Variants in EFCAB3 observed in about 807,000 individuals in gnomAD.
EFCAB3 encodes the protein EF-hand calcium binding domain 3, also known as EF-hand calcium-binding domain-containing protein 3.
Under a neutral mutation model 42.2 loss-of-function variants are expected in EFCAB3, and 36 were observed. The observed-to-expected ratio is 0.85, with a 90% CI of 0.65 to 1.13. The LOEUF is 1.13. Ranked by LOEUF, EFCAB3 falls within the 50% of genes most tolerant of loss-of-function variation. EFCAB3 has a pLI of 0.00. For synonymous variants in EFCAB3, 170 were observed against 172.8 expected (o/e 0.98, Z 0.13); for missense variants, 418 against 505.1 (o/e 0.83, Z 1.65).
At chr17:62,388,457 A>G (rs2070274595) in intron 3 of EFCAB3, among the ~76,000 whole-genome samples, 1 of 152,242 alleles carries the variant, frequency 6.6e-6, no homozygotes, top group African/African-American at 2.4e-5. Context: ...AAGGGAAAGC[A>G]TGATGCACTA....
In EFCAB3 at chr17:62,414,194, A is replaced by G. The variant is rs140592690; in HGVS notation, c.990+340A>G. 1.5e-4 allele frequency among the ~76,000 whole-genome samples: 23 copies of G among 152,346 alleles called. No individual in the cohort carries two copies. The East Asian group carries it at 4.4e-3, about 29-fold the overall frequency. Reference sequence around the variant, plus strand: ...TAGTGTACTCAGAGATTCATGGTGAAAGAATCTTACGTCCTGAGGCCTCTA... The same window carrying G: ...TAGTGTACTCAGAGATTCATGGTGAGAGAATCTTACGTCCTGAGGCCTCTA... On this transcript the variant is annotated intron_variant, in intron 9 of 9. Coordinates refer to ENST00000305286, the MANE Select transcript of EFCAB3 (RefSeq NM_173503.4).
chr17:62,407,472 T>C (rs1407479260), intron 8 of EFCAB3, among the ~76,000 whole-genome samples: 1 of 152,160 alleles, frequency 6.6e-6, no homozygotes, highest in Admixed American at 6.6e-5. Context: ...TCTCCAATCC[T>C]ATCTCTGACT....
chr17:62,381,481 C>T (rs1345080334), intron 1 of EFCAB3, among the ~76,000 whole-genome samples: 3 of 152,230 alleles, frequency 2.0e-5, no homozygotes, highest in South Asian at 4.1e-4. Context: ...CCCTGTTTCT[C>T]AAACTATGCC....
At chr17:62,370,344 T>G (rs962503271) in intron 1 of EFCAB3, 6 of 1,551,090 alleles carry the variant, frequency 3.9e-6, no homozygotes, top group Non-Finnish European at 5.2e-6. Context: ...GTTTTATAAT[T>G]ATGTTACCTT....
At chr17:62,385,320 A>G (rs1048908662) in intron 2 of EFCAB3, among the ~76,000 whole-genome samples, 2 of 152,122 alleles carry the variant, frequency 1.3e-5, no homozygotes, top group Admixed American at 6.6e-5. Context: ...GCATGCACCT[A>G]TAGTTCCAAT....
At chr17:62,413,055 C>T (rs2070513415) in intron 8 of EFCAB3, among the ~76,000 whole-genome samples, 2 of 152,054 alleles carry the variant, frequency 1.3e-5, no homozygotes, top group African/African-American at 4.8e-5. Context: ...AAACCTTAAA[C>T]ATACTGAAAT....
At chr17:62,412,157 C>T in intron 8 of EFCAB3, among the ~76,000 whole-genome samples, 1 of 151,730 alleles carries the variant, frequency 6.6e-6, no homozygotes, top group Non-Finnish European at 1.5e-5. Flanking sequence ...AGGCGGATCA[C>T]CTGAGGTCAG....
At chr17:62,393,958 CTTTT>C (rs34962512) in intron 5 of EFCAB3, among the ~76,000 whole-genome samples, 2 of 141,846 alleles carry the variant, frequency 1.4e-5, no homozygotes, top group Non-Finnish European at 1.6e-5. Flanking sequence ...ATTATTTTGT[CTTTT>C]TTTTTTTTTT....
In EFCAB3 at chr17:62,382,998, A is replaced by T; in HGVS notation, c.19A>T (p.Lys7Ter). 1 of 1,613,766 alleles carries T rather than the reference A, an allele frequency of 6.2e-7. No homozygotes were observed. Among genetic ancestry groups the T allele is most frequent in the Non-Finnish European group, 8.5e-7 (1 of 1,179,930 alleles). ...TGGCCACATGGCAGTTTCAGAAATT[A>T]AACCAAAACTTAAGCTGAATCCTCT... MAVSEIKPKLKLNPLTK... is the reference protein window; with the variant it reads MAVSEI The change falls in exon 2 of 10, where the codon AAA (lysine) becomes TAA (stop). Residue 7 changes from lysine to a stop codon, truncating the protein, a stop_gained. Coordinates refer to ENST00000305286, the MANE Select transcript of EFCAB3 (RefSeq NM_173503.4). LOFTEE classifies it high-confidence loss of function.
intron 8 of EFCAB3, among the ~76,000 whole-genome samples, chr17:62,409,788 T>C (rs1472060907): frequency 6.6e-6 from 1 of 151,908 alleles, no homozygotes; most frequent in Non-Finnish European, 1.5e-5. Flanking sequence ...GTATATGTAC[T>C]ATATTTACAA....
intron 9 of EFCAB3, among the ~76,000 whole-genome samples, chr17:62,415,128 A>ACC (rs796518014): frequency 4.6e-5 from 7 of 151,384 alleles, no homozygotes; most frequent in African/African-American, 1.5e-4. Context: ...ACAAAAAAAA[A>ACC]CAAAAAAACC....
At chr17:62,404,510 T>C (rs1017586872) in intron 6 of EFCAB3, among the ~76,000 whole-genome samples, 4 of 151,710 alleles carry the variant, frequency 2.6e-5, no homozygotes, top group Admixed American at 6.6e-5. Flanking sequence ...TAACAATAAA[T>C]AACAGGCTGG....
chr17:62,371,357 C>T (rs181519297), intron 1 of EFCAB3, among the ~76,000 whole-genome samples: 45 of 152,046 alleles, frequency 3.0e-4, no homozygotes, highest in African/African-American at 9.9e-4. Context: ...GAGGTCGAGA[C>T]CAGCCTGACC....
intron 2 of EFCAB3, among the ~76,000 whole-genome samples, chr17:62,385,992 G>T (rs1218064106): frequency 6.6e-6 from 1 of 151,620 alleles, no homozygotes; most frequent in African/African-American, 2.4e-5. Context: ...CTCCCTAAGT[G>T]CAGGGATTAC....
intron 2 of EFCAB3, among the ~76,000 whole-genome samples, chr17:62,375,443 C>T (rs1169199687): frequency 1.3e-5 from 2 of 152,162 alleles, no homozygotes; most frequent in African/African-American, 4.8e-5. Context: ...GTTCTATGTT[C>T]ACCAATAAGT....
intron 9 of EFCAB3, 107 bp downstream of exon 9, chr17:62,413,961 T>C (rs1447047178): frequency 3.2e-6 from 4 of 1,243,630 alleles, no homozygotes; most frequent in Non-Finnish European, 4.4e-6. Context: ...TCTATGTCTT[T>C]AAAATGAGAC....
intron 8 of EFCAB3, among the ~76,000 whole-genome samples, chr17:62,412,479 G>T (rs1426329313): frequency 1.4e-5 from 2 of 148,130 alleles, no homozygotes; most frequent in Non-Finnish European, 3.0e-5. Context: ...TGTTGTTGTT[G>T]TTGAGACAGG....
intron 5 of EFCAB3, 31 bp downstream of exon 5, chr17:62,393,675 T>C (rs1013733717): frequency 1.9e-6 from 3 of 1,591,738 alleles, no homozygotes; most frequent in African/African-American, 2.7e-5. Flanking sequence ...CAGAAGGCAG[T>C]TGGGCAGCTA....
intron 6 of EFCAB3, among the ~76,000 whole-genome samples, chr17:62,402,342 G>A (rs2070411222): frequency 6.6e-6 from 1 of 152,182 alleles, no homozygotes; most frequent in African/African-American, 2.4e-5. Context: ...TAGGATTGGT[G>A]AGAGAGGGCA....
Sources: allele counts gnomAD v4.1 joint callset (sites outside exome capture counted in the v4.1 genomes callset), GRCh38; gene constraint gnomAD v4.1.1; transcripts MANE v1.5; gene names NCBI Gene and HGNC (gene_info 2026-07-23, HGNC 2026-07-21).